The following NCOA2 variants were observed in gnomAD, a reference collection of about 807,000 sequenced individuals.
The protein encoded by NCOA2 is class E basic helix-loop-helix protein 75.
In NCOA2, 21 loss-of-function variants were observed where a neutral mutation model predicts 145.1. The observed-to-expected ratio is 0.14, with a 90% confidence interval of 0.10 to 0.21. NCOA2 has a LOEUF of 0.21. Ranked by LOEUF, NCOA2 falls within the 10% of genes least tolerant of loss-of-function variation. The probability of loss-of-function intolerance (pLI) is 1.00; values close to 1 mark genes in which losing one functional copy is unlikely to be tolerated. For missense variants in NCOA2, 1,472 were observed against 1,837.6 expected (o/e 0.80, Z 3.64); for synonymous variants, 619 against 637.5 (o/e 0.97, Z 0.44).
intron 20 of NCOA2, 37 bp downstream of exon 20, chr8:70,124,651 C>A: frequency 6.4e-7 from 1 of 1,555,334 alleles, no homozygotes; most frequent in South Asian, 1.2e-5. Context: ...TCAGCTGTCA[C>A]AGTGGCGGTA....
chr8:70,169,712 C>T (rs953014667), intron 6 of NCOA2, among the ~76,000 whole-genome samples: 1 of 152,158 alleles, frequency 6.6e-6, no homozygotes, highest in Non-Finnish European at 1.5e-5. Flanking sequence ...TGTATCAAAA[C>T]ACCTCATGTA....
chr8:70,150,101 T>C (rs565306858), intron 11 of NCOA2, among the ~76,000 whole-genome samples: 1 of 152,370 alleles, frequency 6.6e-6, no homozygotes, highest in East Asian at 1.9e-4. Context: ...TATTTGGTTC[T>C]TCTCAGAGAC....
intron 1 of NCOA2, among the ~76,000 whole-genome samples, chr8:70,377,634 T>C (rs1021936169): frequency 6.6e-6 from 1 of 152,198 alleles, no homozygotes; most frequent in African/African-American, 2.4e-5. Context: ...CTGGAATTTT[T>C]AGTCTAGAAT....
chr8:70,147,742 G>C (rs1811260881), intron 12 of NCOA2, among the ~76,000 whole-genome samples: 1 of 152,192 alleles, frequency 6.6e-6, no homozygotes, highest in East Asian at 1.9e-4. Context: ...AGATTCCTGA[G>C]ACAGGGCAAG....
intron 5 of NCOA2, among the ~76,000 whole-genome samples, chr8:70,174,367 C>T (rs1814597116): frequency 6.6e-6 from 1 of 152,210 alleles, no homozygotes; most frequent in Admixed American, 6.5e-5. Flanking sequence ...CTCCTTGGTC[C>T]TCATATTTTA....
In NCOA2 at chr8:70,297,990, TG is replaced by T. The variant is rs568227523; in HGVS notation, c.-76-1191del. Among the ~76,000 whole-genome samples, 811 of 152,318 alleles carry T rather than the reference TG, an allele frequency of 5.3e-3. 2 individuals carry two copies. The highest frequency in any genetic ancestry group is 7.6e-3 in the Non-Finnish European group (518 of 68,024). ...TTGCTACTAGTAACGATACTGAAAATGTATCTCTTTTTAAGAATAATTTTTA... is the reference window on the plus strand; with the variant it reads ...TTGCTACTAGTAACGATACTGAAAATTATCTCTTTTTAAGAATAATTTTTA... On this transcript the variant is annotated intron_variant, in intron 1 of 22. Transcript: ENST00000452400.
intron 4 of NCOA2, among the ~76,000 whole-genome samples, chr8:70,178,972 T>C (rs1815172144): frequency 2.0e-5 from 3 of 152,140 alleles, no homozygotes; most frequent in Admixed American, 2.0e-4. Context: ...CTTATATTAG[T>C]GGAAATTGTG....
At chr8:70,144,552 A>C (rs1810805223) in intron 13 of NCOA2, 90 bp downstream of exon 13, 11 of 1,050,614 alleles carry the variant, frequency 1.0e-5, no homozygotes, top group Non-Finnish European at 1.4e-5. Context: ...TAAAAAGTTC[A>C]CTTGAAAAAT....
chr8:70,159,242 A>ATATATTT lies in NCOA2; in HGVS notation c.1124+262_1124+263insAAATATA. The stretch of plus-strand genomic sequence containing the variant: ...TAACATTATATATATATATATATAT[A>ATATATTT]TTTTTTTTTTTTTCCCCCAAATATT... On this transcript the variant is annotated intron_variant, in intron 10 of 22. Transcript: ENST00000452400. 1.0e-3 allele frequency among the ~76,000 whole-genome samples: 64 copies of ATATATTT among 61,074 alleles called. 1 individual carries two copies. Among genetic ancestry groups the ATATATTT allele is most frequent in the Middle Eastern group, 8.3e-3 (1 of 120 alleles). The allele number at this position is 61,074 out of a possible 152,430, so 40.1% of individuals were successfully genotyped here. A position where few individuals can be genotyped will look rare whatever the true frequency, so the allele number is the denominator to read the frequency against.
intron 1 of NCOA2, among the ~76,000 whole-genome samples, chr8:70,335,145 AAAAAAAAAGATC>A: frequency 6.7e-6 from 1 of 149,556 alleles, no homozygotes; most frequent in Non-Finnish European, 1.5e-5. Flanking sequence ...AAAAAAAAAA[AAAAAAAAAGATC>A]TCTCCCTATG....
At chr8:70,292,521 A>T (rs1563730916) in intron 2 of NCOA2, among the ~76,000 whole-genome samples, 1 of 150,270 alleles carries the variant, frequency 6.7e-6, no homozygotes, top group Non-Finnish European at 1.5e-5. Context: ...ACTGCACTCC[A>T]GCCTGGGCAA....
At chr8:70,243,405 T>C (rs924769873) in intron 2 of NCOA2, among the ~76,000 whole-genome samples, 8 of 152,092 alleles carry the variant, frequency 5.3e-5, no homozygotes, top group African/African-American at 1.9e-4. Context: ...GATAATTACA[T>C]TTACTGAGGC....
intron 4 of NCOA2, among the ~76,000 whole-genome samples, chr8:70,207,037 G>A (rs553289776): frequency 6.8e-4 from 103 of 152,152 alleles, no homozygotes; most frequent in Non-Finnish European, 9.7e-4. Flanking sequence ...CCAAATGAGT[G>A]AAAGCTCCAA....
At chr8:70,230,945 CTG>C (rs1221077234) in intron 2 of NCOA2, among the ~76,000 whole-genome samples, 5 of 152,172 alleles carry the variant, frequency 3.3e-5, no homozygotes, top group Admixed American at 3.3e-4. Flanking sequence ...TTCAATGGCT[CTG>C]TGATATCCCA....
chr8:70,196,389 T>G (rs563936769), intron 4 of NCOA2, among the ~76,000 whole-genome samples: 2 of 152,014 alleles, frequency 1.3e-5, no homozygotes, highest in African/African-American at 4.8e-5. Flanking sequence ...AAAATAAAAA[T>G]AAAAATAAAA....
intron 2 of NCOA2, among the ~76,000 whole-genome samples, chr8:70,268,370 T>C (rs1178080278): frequency 6.6e-6 from 1 of 152,228 alleles, no homozygotes; most frequent in Non-Finnish European, 1.5e-5. Context: ...ATGTACCCTC[T>C]AAATTTAATG....
In NCOA2 at chr8:70,324,213, G is replaced by A. The variant is rs145357911; in HGVS notation, c.-76-27413C>T. Among the ~76,000 whole-genome samples the A allele has an allele frequency of 6.3e-3, 952 of 152,258 alleles. 11 individuals are homozygous for A. Among genetic ancestry groups the A allele is most frequent in the Non-Finnish European group, 9.1e-3 (622 of 68,010 alleles). ...CTATCTAATCCCTAAAGTATATGGAGACATCTTGTCAATTTGTGACCAAAA... is the reference window on the plus strand; with the variant it reads ...CTATCTAATCCCTAAAGTATATGGAAACATCTTGTCAATTTGTGACCAAAA... On this transcript the variant is annotated intron_variant, in intron 1 of 22. Coordinates refer to ENST00000452400, the MANE Select transcript of NCOA2 (RefSeq NM_006540.4).
intron 10 of NCOA2, among the ~76,000 whole-genome samples, chr8:70,158,985 C>T (rs557246867): frequency 4.6e-4 from 70 of 151,336 alleles, no homozygotes; most frequent in African/African-American, 1.6e-3. Flanking sequence ...AAAGTAGAGT[C>T]CTACTTTGCC....
At chr8:70,128,644 C>T in intron 17 of NCOA2, 58 bp downstream of exon 17, 3 of 1,600,014 alleles carry the variant, frequency 1.9e-6, no homozygotes, top group Non-Finnish European at 2.6e-6. Flanking sequence ...CTCACATCAT[C>T]TTCCCCATGT....
Sources: allele counts gnomAD v4.1 joint callset (sites outside exome capture counted in the v4.1 genomes callset), GRCh38; gene constraint gnomAD v4.1.1; transcripts MANE v1.5; gene names NCBI Gene and HGNC (gene_info 2026-07-23, HGNC 2026-07-21).